The following BHMT2 variants were observed in gnomAD, a reference collection of about 807,000 sequenced individuals.
BHMT2 encodes the protein betaine--homocysteine S-methyltransferase 2, also known as S-methylmethionine--homocysteine S-methyltransferase BHMT2.
A neutral mutation model predicts 39.0 loss-of-function variants in BHMT2; 28 were observed. The ratio of observed to expected loss-of-function variants is 0.72; its 90% CI spans 0.53 to 0.98. BHMT2 has a LOEUF of 0.98. BHMT2 is among the 50% of genes least tolerant of loss of function. BHMT2 has a pLI of 0.00. For missense variants in BHMT2, 410 were observed against 455.6 expected (o/e 0.90, Z 0.91); for synonymous variants, 145 against 160.6 (o/e 0.90, Z 0.74).
chr5:79,084,723 T>G (rs2112703935), intron 7 of BHMT2, among the ~76,000 whole-genome samples: 1 of 152,324 alleles, frequency 6.6e-6, no homozygotes, highest in Admixed American at 6.5e-5. Flanking sequence ...TCATTTGTGT[T>G]TTGAAATCTT....
chr5:79,069,864 C>A (rs1428604169), intron 1 of BHMT2, 49 bp downstream of exon 1: 18 of 1,353,356 alleles, frequency 1.3e-5, no homozygotes, highest in Non-Finnish European at 1.6e-5. Context: ...CGCTGGGCTG[C>A]GAGCGACTCC....
intron 1 of BHMT2, among the ~76,000 whole-genome samples, chr5:79,071,961 G>A (rs1437240663): frequency 1.3e-5 from 2 of 151,978 alleles, no homozygotes; most frequent in Non-Finnish European, 2.9e-5. Flanking sequence ...TTTTGCTAAT[G>A]GCTATGTAGA....
At position 79,083,636 on chromosome 5, in the gene BHMT2, T is replaced by C. The variant is rs1755834113; in HGVS notation, c.790T>C (p.Ser264Pro). The C allele has an allele frequency of 1.9e-6, 3 of 1,613,614 alleles. No homozygotes were observed. The highest frequency in any genetic ancestry group is 1.1e-5 in the South Asian group (1 of 91,046). The change falls in exon 7 of 8, where the codon TCC becomes CCC. Residue 264 changes from serine to proline, a missense_variant. Transcript: ENST00000255192. ...TAACTATTGTGATTCAGGACTGGAG[T>C]CCAGAGTTGCCACCAGATGGGATAT... ...DLPEYPFGLE[S>P]RVATRWDIQK...
At chr5:79,080,598 T>C (rs1329910875) in intron 3 of BHMT2, 89 bp from the exon 4 acceptor site, 1 of 1,242,374 alleles carries the variant, frequency 8.0e-7, no homozygotes, top group Non-Finnish European at 1.1e-6. Context: ...TATACTCATC[T>C]TACTTGTTTA....
intron 4 of BHMT2, among the ~76,000 whole-genome samples, chr5:79,081,450 G>A (rs1233830735): frequency 6.6e-6 from 1 of 152,146 alleles, no homozygotes; most frequent in Non-Finnish European, 1.5e-5. Flanking sequence ...GGACATGAAG[G>A]CCCAGAACAT....
At chr5:79,081,102 C>T (rs960285842) in intron 4 of BHMT2, among the ~76,000 whole-genome samples, 1 of 152,162 alleles carries the variant, frequency 6.6e-6, no homozygotes, top group African/African-American at 2.4e-5. Flanking sequence ...TGACCATAGC[C>T]TTTTATCTTC....
chr5:79,077,671 G>C, intron 2 of BHMT2, 59 bp downstream of exon 2: 2 of 1,546,666 alleles, frequency 1.3e-6, no homozygotes, highest in Non-Finnish European at 1.7e-6. Context: ...AAATCTGATT[G>C]AGAGAAGATC....
At chr5:79,072,965 C>CT (rs10626697) in intron 1 of BHMT2, among the ~76,000 whole-genome samples, 9,564 of 137,592 alleles carry the variant, frequency 0.07, 728 homozygotes, top group African/African-American at 0.17. Flanking sequence ...AAATTTGATT[C>CT]TTTTTTTTTT....
chr5:79,081,527 G>A (rs1755788884), intron 4 of BHMT2, among the ~76,000 whole-genome samples: 1 of 152,120 alleles, frequency 6.6e-6, no homozygotes, highest in Non-Finnish European at 1.5e-5. Context: ...GCTACTGCCT[G>A]GGGTCATGCC....
intron 5 of BHMT2, 23 bp from the exon 6 acceptor site, chr5:79,083,169 G>T (rs1755823563): frequency 1.2e-6 from 2 of 1,611,256 alleles, no homozygotes; most frequent in African/African-American, 2.7e-5. Context: ...ATAATAAAAT[G>T]TAAGTGTTAT....
At chr5:79,074,268 G>T (rs1755631465) in intron 1 of BHMT2, among the ~76,000 whole-genome samples, 1 of 152,178 alleles carries the variant, frequency 6.6e-6, no homozygotes, top group South Asian at 2.1e-4. Context: ...AACATGGGGA[G>T]AAAGCTAGAA....
chr5:79,080,715 A>T lies in BHMT2; in HGVS notation c.287A>T (p.Asp96Val), dbSNP rs752264068. 1 of 1,598,918 alleles carries T rather than the reference A, an allele frequency of 6.3e-7. No individual in the cohort carries two copies. The highest frequency in any genetic ancestry group is 1.8e-5 in the Admixed American group (1 of 55,804). The change falls in exon 4 of 8, where the codon GAC (aspartate) becomes GTC (valine). Residue 96 changes from aspartate to valine, a missense_variant. Transcript: ENST00000255192. ...GAAGATGTAAATGCTGCTGCCTGTG[A>T]CCTCGCCAGGGAAGTGGCTGGCAAA... ...KWEDVNAAAC[D>V]LAREVAGKGD...
chr5:79,078,695 G>A (rs1755725964), intron 2 of BHMT2, among the ~76,000 whole-genome samples: 3 of 152,234 alleles, frequency 2.0e-5, no homozygotes, highest in Admixed American at 6.5e-5. Context: ...CGGACACCCA[G>A]AGTTCTGTGG....
chr5:79,071,860 A>G (rs893774957), intron 1 of BHMT2, among the ~76,000 whole-genome samples: 2 of 151,634 alleles, frequency 1.3e-5, no homozygotes, highest in African/African-American at 4.9e-5. Context: ...AGAAGGGATC[A>G]TACTGGTATA....
Position 79,069,776 on chromosome 5 carries a change from C to G in BHMT2, c.-7C>G. ...CGGGAACCCGGCGCCCACAGAGCCGCGGCACCATGGCACCTGCTGGACGCC... is the reference window on the plus strand; with the variant it reads ...CGGGAACCCGGCGCCCACAGAGCCGGGGCACCATGGCACCTGCTGGACGCC... On this transcript the variant is annotated 5_prime_UTR_variant, in exon 1 of 8. Coordinates refer to ENST00000255192, the MANE Select transcript of BHMT2 (RefSeq NM_017614.5). 1 of 1,425,088 alleles carries G rather than the reference C, an allele frequency of 7.0e-7. No individual in the cohort carries two copies. Among genetic ancestry groups the G allele is most frequent in the Non-Finnish European group, 9.2e-7 (1 of 1,082,476 alleles). 88.3% of individuals were successfully genotyped at this position (1,425,088 alleles called of 1,614,324 possible). A position where few individuals can be genotyped will look rare whatever the true frequency, so the allele number is the denominator to read the frequency against.
At position 79,090,065 on chromosome 5, in the gene BHMT2, T is replaced by A. The variant is rs1755993481; in HGVS notation, c.*1491T>A. 1.3e-5 allele frequency among the ~76,000 whole-genome samples: 2 copies of A among 152,244 alleles called. No individual in the cohort carries two copies. On this transcript the variant is annotated 3_prime_UTR_variant, in exon 8 of 8. Transcript: ENST00000255192. ...TTTGTGGCAATAAAAATGATTTACC[T>A]TTTATAGTGTTTGAATGTCGAAAAT...
intron 4 of BHMT2, among the ~76,000 whole-genome samples, chr5:79,081,589 G>A (rs1351480783): frequency 6.6e-6 from 1 of 152,176 alleles, no homozygotes. Flanking sequence ...GCTTGGCGCG[G>A]TAGCTCACAC....
chr5:79,085,174 A>G (rs2112704339), intron 7 of BHMT2, among the ~76,000 whole-genome samples: 1 of 152,338 alleles, frequency 6.6e-6, no homozygotes, highest in East Asian at 1.9e-4. Flanking sequence ...CAATATTATT[A>G]TAATTGTTAT....
chr5:79,083,571 A>T, intron 6 of BHMT2, 57 bp from the exon 7 acceptor site: 1 of 1,593,964 alleles, frequency 6.3e-7, no homozygotes, highest in Non-Finnish European at 8.6e-7. Context: ...TCATTAGAGC[A>T]TCCATCATTT....
Sources: gnomAD v4.1 joint callset for allele counts (sites outside exome capture counted in the v4.1 genomes callset) on GRCh38, gnomAD v4.1.1 for gene constraint, MANE v1.5 for transcripts, NCBI Gene and HGNC (gene_info 2026-07-23, HGNC 2026-07-21) for gene names.